The following OR2L13 variants were observed in gnomAD, a reference collection of about 807,000 sequenced individuals.
The protein encoded by OR2L13 is olfactory receptor family 2 subfamily L member 13.
A neutral mutation model predicts 15.3 loss-of-function variants in OR2L13; 14 were observed. That is an observed-to-expected ratio of 0.91 (90% CI 0.60 to 1.43). The LOEUF is 1.43. OR2L13 is among the 40% of genes most tolerant of loss of function. OR2L13 has a pLI of 0.00. For missense variants in OR2L13, 367 were observed against 387.9 expected (o/e 0.95, Z 0.45); for synonymous variants, 152 against 142.9 (o/e 1.06, Z -0.45).
At chr1:247,965,555 A>G in the OR2L13 span, 1 of 1,609,590 alleles carries the variant, frequency 6.2e-7, no homozygotes, top group Non-Finnish European at 8.5e-7. Context: ...ACTCCAATGT[A>G]CTTTCTGCTC....
the OR2L13 span, among the ~76,000 whole-genome samples, chr1:248,032,527 T>A: frequency 6.6e-6 from 1 of 152,084 alleles, no homozygotes; most frequent in East Asian, 1.9e-4. Context: ...CCTTCCCCCA[T>A]CCCCAGGGGT....
the OR2L13 span, among the ~76,000 whole-genome samples, chr1:248,064,110 T>A: frequency 6.4e-4 from 98 of 152,264 alleles, no homozygotes; most frequent in African/African-American, 2.3e-3. Flanking sequence ...CAGTCTAGGA[T>A]AGTGGTGGGA....
chr1:247,949,819 C>T, the OR2L13 span: 2 of 1,577,610 alleles, frequency 1.3e-6, no homozygotes, highest in Non-Finnish European at 1.7e-6. Context: ...CCTAAGGTCT[C>T]AGGACTCAGA....
chr1:247,951,010 T>A, the OR2L13 span, among the ~76,000 whole-genome samples: 126,696 of 152,174 alleles, frequency 0.83, 56,616 homozygotes, highest in Non-Finnish European at 0.98. Context: ...GTACGTGTTT[T>A]TCAAAACATC....
chr1:247,965,413 C>T, the OR2L13 span: 1 of 1,612,462 alleles, frequency 6.2e-7, no homozygotes, highest in African/African-American at 1.3e-5. Context: ...GACAGATTTT[C>T]TACTTGTTGG....
At chr1:247,994,351 C>T in the OR2L13 span, among the ~76,000 whole-genome samples, 7 of 152,058 alleles carry the variant, frequency 4.6e-5, no homozygotes, top group Non-Finnish European at 8.8e-5. Context: ...GAGCTGATAT[C>T]GCTCCACTGC....
the OR2L13 span, among the ~76,000 whole-genome samples, chr1:247,983,730 G>A: frequency 6.6e-6 from 1 of 152,308 alleles, no homozygotes; most frequent in African/African-American, 2.4e-5. Flanking sequence ...GTGTTCAAGA[G>A]ATATTGTAAC....
chr1:247,984,401 A>G, the OR2L13 span, among the ~76,000 whole-genome samples: 487 of 152,236 alleles, frequency 3.2e-3, 1 homozygote, highest in African/African-American at 0.011. Context: ...TGCCCTGTAT[A>G]AAATACAAAT....
chr1:248,003,257 T>A, the OR2L13 span: 1 of 1,571,296 alleles, frequency 6.4e-7, no homozygotes, highest in Admixed American at 1.7e-5. Flanking sequence ...TGGAAACCTA[T>A]CCATGATTCT....
the OR2L13 span, among the ~76,000 whole-genome samples, chr1:247,969,082 C>A: frequency 6.6e-6 from 1 of 152,228 alleles, no homozygotes. Context: ...GATTTGCATT[C>A]CTCTGATGAC....
the OR2L13 span, among the ~76,000 whole-genome samples, chr1:247,945,838 C>T: frequency 3.7e-3 from 563 of 152,206 alleles, 1 homozygote; most frequent in Admixed American, 6.8e-3. Flanking sequence ...TCCTTCTTTC[C>T]ATTCACTTGG....
At chr1:248,003,477 C>A in the OR2L13 span, 1 of 1,609,492 alleles carries the variant, frequency 6.2e-7, no homozygotes, top group Non-Finnish European at 8.5e-7. Context: ...CTCCTGATAT[C>A]AATGGCCTAT....
At chr1:248,068,326 T>C in the OR2L13 span, among the ~76,000 whole-genome samples, 149,213 of 152,122 alleles carry the variant, frequency 0.98, 73,256 homozygotes, top group South Asian at 1. Context: ...CAGACAGCAG[T>C]ATTCGCGGTT....
chr1:247,953,202 CG>C, the OR2L13 span, among the ~76,000 whole-genome samples: 1 of 148,196 alleles, frequency 6.7e-6, no homozygotes, highest in Non-Finnish European at 1.5e-5. Context: ...GGGAAATTAA[CG>C]AATTCATTAC....
the OR2L13 span, among the ~76,000 whole-genome samples, chr1:247,940,791 G>C: frequency 6.6e-6 from 1 of 151,394 alleles, no homozygotes; most frequent in Non-Finnish European, 1.5e-5. Flanking sequence ...GCGTCAAATG[G>C]TATCCTTTTT....
chr1:248,013,318 A>G, the OR2L13 span, among the ~76,000 whole-genome samples: 38 of 152,298 alleles, frequency 2.5e-4, no homozygotes, highest in South Asian at 7.5e-3. Context: ...ACACAATTGC[A>G]TTACCATAAT....
chr1:247,991,072 G>A, the OR2L13 span: 1 of 1,584,066 alleles, frequency 6.3e-7, no homozygotes, highest in Non-Finnish European at 8.7e-7. Context: ...ATCTCCGACA[G>A]AGGACAAGGT....
chr1:247,969,673 A>G, the OR2L13 span, among the ~76,000 whole-genome samples: 1 of 152,240 alleles, frequency 6.6e-6, no homozygotes, highest in East Asian at 1.9e-4. Flanking sequence ...AGATTTGAAA[A>G]TAATCTGCAT....
the OR2L13 span, among the ~76,000 whole-genome samples, chr1:248,034,495 T>C: frequency 6.6e-6 from 1 of 152,216 alleles, no homozygotes; most frequent in Non-Finnish European, 1.5e-5. Context: ...GCATGGTTTT[T>C]CTATTTCTGA....
Sources: allele counts gnomAD v4.1 joint callset (sites outside exome capture counted in the v4.1 genomes callset), GRCh38; gene constraint gnomAD v4.1.1; transcripts MANE v1.5; gene names NCBI Gene and HGNC (gene_info 2026-07-23, HGNC 2026-07-21).